Variants in TAOK1 observed in about 807,000 individuals in gnomAD.
TAOK1 encodes the protein TAO kinase 1.
Under a neutral mutation model 138.3 loss-of-function variants are expected in TAOK1, and 21 were observed. The ratio of observed to expected loss-of-function variants is 0.15; its 90% confidence interval spans 0.11 to 0.22. The LOEUF is 0.22. Ranked by LOEUF, TAOK1 falls within the 10% of genes least tolerant of loss-of-function variation. The pLI, the probability that TAOK1 is intolerant of heterozygous loss-of-function variation, is 1.00. For synonymous variants in TAOK1, 361 were observed against 398.4 expected (o/e 0.91, Z 1.12); for missense variants, 651 against 1,227.7 (o/e 0.53, Z 7.02).
At position 29,500,237 on chromosome 17, in the gene TAOK1, C is replaced by T. The variant is rs563414967; in HGVS notation, c.1203+1716C>T. On this transcript the variant is annotated intron_variant, in intron 12 of 19. Transcript: ENST00000261716. ...GCTAAGGTGGTAGGTTCACTTGAAC[C>T]CAGGAGGTAGAGGTTTTCAGTGAGC... Among the ~76,000 whole-genome samples, 4 of 152,134 alleles carry T rather than the reference C, an allele frequency of 2.6e-5. No individual in the cohort carries two copies. The East Asian group carries it at 7.7e-4, about 29-fold the overall frequency.
chr17:29,428,142 C>G (rs558635896), intron 1 of TAOK1, among the ~76,000 whole-genome samples: 23 of 152,126 alleles, frequency 1.5e-4, no homozygotes, highest in Non-Finnish European at 2.4e-4. Context: ...TTCCAAAAAC[C>G]AAGTACATGT....
At chr17:29,528,754 C>A (rs1307128767) in intron 17 of TAOK1, among the ~76,000 whole-genome samples, 2 of 139,604 alleles carry the variant, frequency 1.4e-5, no homozygotes, top group Middle Eastern at 3.9e-3. Flanking sequence ...GCAGGAAAAT[C>A]GATTGAACCC....
At chr17:29,516,701 A>G (rs1475367970) in intron 15 of TAOK1, among the ~76,000 whole-genome samples, 2 of 151,248 alleles carry the variant, frequency 1.3e-5, no homozygotes, top group East Asian at 3.9e-4. Context: ...GGGTTTCTCC[A>G]TGTTGGTCAC....
chr17:29,420,960 C>G (rs560288642), intron 1 of TAOK1, among the ~76,000 whole-genome samples: 1 of 151,720 alleles, frequency 6.6e-6, no homozygotes, highest in Non-Finnish European at 1.5e-5. Flanking sequence ...GGCAGTGTCT[C>G]GCTCTGTCAT....
intron 1 of TAOK1, among the ~76,000 whole-genome samples, chr17:29,417,117 A>G (rs1967557): frequency 0.62 from 94,455 of 151,910 alleles, 30,578 homozygotes; most frequent in East Asian, 0.97. Context: ...GGGTTCAAGC[A>G]ATTCTGCCTG....
chr17:29,434,387 G>T lies in TAOK1; in HGVS notation c.-94-17068G>T, dbSNP rs374241067. 7.5e-4 allele frequency among the ~76,000 whole-genome samples: 114 copies of T among 152,260 alleles called. 3 individuals are homozygous for T. In the South Asian group the frequency reaches 0.023, roughly 30 times the overall value. On this transcript the variant is annotated intron_variant, in intron 1 of 19. Transcript: ENST00000261716. The stretch of plus-strand genomic sequence containing the variant: ...GAGGTTCAGGATGCATTTGAAAGGG[G>T]TACAGATTGAAGATGAATGGCTACC...
At chr17:29,395,693 T>A (rs1020844166) in intron 1 of TAOK1, among the ~76,000 whole-genome samples, 2 of 149,620 alleles carry the variant, frequency 1.3e-5, no homozygotes, top group Non-Finnish European at 3.0e-5. Context: ...GTTTTTGCTG[T>A]GTCGCCCAGG....
chr17:29,449,782 A>G (rs1275827582), intron 1 of TAOK1, among the ~76,000 whole-genome samples: 1 of 152,174 alleles, frequency 6.6e-6, no homozygotes, highest in Non-Finnish European at 1.5e-5. Context: ...TGGGTGTTGC[A>G]GTGAGCTGAG....
At chr17:29,397,684 C>CATGTAGGATACATGTATAT (rs1904686344) in intron 1 of TAOK1, among the ~76,000 whole-genome samples, 1 of 128,116 alleles carries the variant, frequency 7.8e-6, no homozygotes, top group African/African-American at 3.1e-5. Flanking sequence ...TACATGTATA[C>CATGTAGGATACATGTATAT]ATGTATATTC....
intron 17 of TAOK1, among the ~76,000 whole-genome samples, chr17:29,523,425 T>C (rs2031955713): frequency 6.6e-6 from 1 of 152,216 alleles, no homozygotes; most frequent in Non-Finnish European, 1.5e-5. Flanking sequence ...TCTCGCTCTT[T>C]CGCCCAGGCT....
At chr17:29,392,194 C>T (rs1214949791) in intron 1 of TAOK1, among the ~76,000 whole-genome samples, 2 of 151,822 alleles carry the variant, frequency 1.3e-5, no homozygotes, top group Non-Finnish European at 2.9e-5. Context: ...CCAACCTGGG[C>T]GACAGAGCGA....
At chr17:29,517,072 C>T (rs969936478) in intron 15 of TAOK1, among the ~76,000 whole-genome samples, 4 of 151,728 alleles carry the variant, frequency 2.6e-5, no homozygotes, top group African/African-American at 4.8e-5. Context: ...CTGCAAGCTC[C>T]GCCTCCCAGG....
At chr17:29,504,986 A>G (rs556639768) in intron 13 of TAOK1, among the ~76,000 whole-genome samples, 6 of 152,330 alleles carry the variant, frequency 3.9e-5, no homozygotes, top group South Asian at 2.1e-4. Context: ...CATAAGTTAA[A>G]TGTTTCCCAA....
intron 17 of TAOK1, among the ~76,000 whole-genome samples, chr17:29,524,490 C>T (rs150169241): frequency 1.8e-4 from 27 of 152,160 alleles, no homozygotes; most frequent in African/African-American, 5.8e-4. Context: ...TCAGATAGTA[C>T]GTTAAAAGTG....
chr17:29,484,026 T>C (rs1017617814), intron 8 of TAOK1, among the ~76,000 whole-genome samples: 5 of 152,188 alleles, frequency 3.3e-5, no homozygotes, highest in East Asian at 1.9e-4. Context: ...CTAGATTTCA[T>C]TGATATATTT....
At position 29,504,231 on chromosome 17, in the gene TAOK1, C is replaced by G. The variant is rs1163038543; in HGVS notation, c.1338+1508C>G. Among the ~76,000 whole-genome samples, 19 of 122,276 alleles carry G rather than the reference C, an allele frequency of 1.6e-4. No individual in the cohort carries two copies. The Admixed American group carries it at 1.8e-3, about 11-fold the overall frequency. 80.2% of individuals were successfully genotyped at this position (122,276 alleles called of 152,430 possible). On this transcript the variant is annotated intron_variant, in intron 13 of 19. Transcript: ENST00000261716. ...GATGGAGGTTGCAGTGAGCCGAGATCACGCCACTGCACTCCAGCCTGGGTG... is the reference window on the plus strand; with the variant it reads ...GATGGAGGTTGCAGTGAGCCGAGATGACGCCACTGCACTCCAGCCTGGGTG...
At chr17:29,468,257 C>G (rs1034593079) in intron 3 of TAOK1, among the ~76,000 whole-genome samples, 5 of 150,148 alleles carry the variant, frequency 3.3e-5, no homozygotes, top group African/African-American at 2.5e-5. Context: ...CTGCTTCAGC[C>G]TCCTGAGTAG....
chr17:29,530,317 T>TA lies in TAOK1; in HGVS notation c.2149-89dup. ...CTTGGCTTTCCTCTCATTTTTTTCCTAGTAGCCTTTATTTTCATGTATGTA... is the reference window on the plus strand; with the variant it reads ...CTTGGCTTTCCTCTCATTTTTTTCCTAAGTAGCCTTTATTTTCATGTATGTA... On this transcript the variant is annotated intron_variant, in intron 17 of 19. Coordinates refer to ENST00000261716, the MANE Select transcript of TAOK1 (RefSeq NM_020791.4). The TA allele has an allele frequency of 3.4e-6, 4 of 1,168,250 alleles. No homozygotes were observed. The South Asian group carries it at 5.9e-5, about 17-fold the overall frequency. The allele number at this position is 1,168,250 out of a possible 1,614,324, so 72.4% of individuals were successfully genotyped here. A position where few individuals can be genotyped will look rare whatever the true frequency, so the allele number is the denominator to read the frequency against.
intron 1 of TAOK1, among the ~76,000 whole-genome samples, chr17:29,401,691 T>A (rs896140380): frequency 1.3e-5 from 2 of 151,952 alleles, no homozygotes; most frequent in Admixed American, 1.3e-4. Flanking sequence ...GGTTTTACTC[T>A]GTTGGGAGGC....
Sources: allele counts gnomAD v4.1 joint callset (sites outside exome capture counted in the v4.1 genomes callset), GRCh38; gene constraint gnomAD v4.1.1; transcripts MANE v1.5; gene names NCBI Gene and HGNC (gene_info 2026-07-23, HGNC 2026-07-21).